SRBD1: variants seen among roughly 807,000 people sequenced by gnomAD.
SRBD1 encodes the protein S1 RNA-binding domain-containing protein 1.
SRBD1 carries 88 observed loss-of-function variants against 115.3 expected under a neutral mutation model. The observed-to-expected ratio is 0.76, with a 90% CI of 0.64 to 0.91. The LOEUF (loss-of-function observed/expected upper bound fraction) is 0.91. Ranked by LOEUF, SRBD1 falls within the 40% of genes least tolerant of loss-of-function variation. SRBD1 has a pLI of 0.00. For missense variants in SRBD1, 1,385 were observed against 1,177.4 expected, an observed-to-expected ratio of 1.18 and a Z score of -2.58; for synonymous variants, 509 against 407.7, an observed-to-expected ratio of 1.25 and a Z score of -2.99.
At chr2:45,535,203 TA>T (rs1298040212) in intron 14 of SRBD1, among the ~76,000 whole-genome samples, 1 of 152,030 alleles carries the variant, frequency 6.6e-6, no homozygotes, top group Non-Finnish European at 1.5e-5. Context: ...ACACATTAGC[TA>T]ATCAACATCT....
chr2:45,423,279 G>A (rs1668059254), intron 16 of SRBD1, among the ~76,000 whole-genome samples: 1 of 152,120 alleles, frequency 6.6e-6, no homozygotes, highest in Non-Finnish European at 1.5e-5. Flanking sequence ...TGAAGCAAAT[G>A]GAATGCTCAA....
At chr2:45,412,129 CA>C (rs532512556) in intron 19 of SRBD1, among the ~76,000 whole-genome samples, 2,488 of 147,716 alleles carry the variant, frequency 0.017, 28 homozygotes, top group Non-Finnish European at 0.025. Context: ...CAAAACAAGA[CA>C]AAAAAAAATA....
At chr2:45,553,229 T>C (rs1277884826) in intron 11 of SRBD1, among the ~76,000 whole-genome samples, 2 of 152,188 alleles carry the variant, frequency 1.3e-5, no homozygotes, top group Non-Finnish European at 2.9e-5. Flanking sequence ...ATATTTATCA[T>C]TGCTGATAAT....
chr2:45,571,519 A>AAAAAAAAAAAAAAAAAAAC lies in SRBD1; in HGVS notation c.1305+1687_1305+1688insGTTTTTTTTTTTTTTTTTT, dbSNP rs1558486213. Among the ~76,000 whole-genome samples, 71 of 72,900 alleles carry AAAAAAAAAAAAAAAAAAAC rather than the reference A, an allele frequency of 9.7e-4. 4 individuals carry two copies. Among genetic ancestry groups the AAAAAAAAAAAAAAAAAAAC allele is most frequent in the African/African-American group, 4.6e-3 (68 of 14,858 alleles). 47.8% of individuals were successfully genotyped at this position (72,900 alleles called of 152,430 possible). A position where few individuals can be genotyped will look rare whatever the true frequency, so the allele number is the denominator to read the frequency against. ...AATACAACATATCCAGACTTTACCA[A>AAAAAAAAAAAAAAAAAAAC]AAAAAAAAAAAAAAAAAAAAAAACT... On this transcript the variant is annotated intron_variant, in intron 9 of 20. Coordinates refer to ENST00000263736, the MANE Select transcript of SRBD1 (RefSeq NM_018079.5).
At chr2:45,396,175 T>C (rs1368758882) in intron 19 of SRBD1, among the ~76,000 whole-genome samples, 3 of 152,144 alleles carry the variant, frequency 2.0e-5, no homozygotes, top group Non-Finnish European at 1.5e-5. Context: ...TCCAAGGCCA[T>C]GATGTTATTC....
rs191054497 is a variant in SRBD1, at chr2:45,547,617, A to C, written c.1676-5T>G. The C allele has an allele frequency of 1.2e-6, 2 of 1,603,292 alleles. No homozygotes were observed. Among genetic ancestry groups the C allele is most frequent in the East Asian group, 4.5e-5 (2 of 44,752 alleles). On this transcript the variant is annotated splice_polypyrimidine_tract_variant and splice_region_variant and intron_variant, in intron 12 of 20. Coordinates refer to ENST00000263736, the MANE Select transcript of SRBD1 (RefSeq NM_018079.5). ...CATCAGTATGAAGTATCTGACCTTT[A>C]AAAAATGAAAAGAATAAGCCATTTT... is the stretch of plus-strand genomic sequence containing the variant.
chr2:45,599,898 TACTC>T (rs1674039270), intron 3 of SRBD1, 63 bp from the exon 4 acceptor site: 1 of 1,489,694 alleles, frequency 6.7e-7, no homozygotes, highest in Non-Finnish European at 9.0e-7. Flanking sequence ...CTGGGACTAT[TACTC>T]ACAAATAAAA....
intron 20 of SRBD1, among the ~76,000 whole-genome samples, chr2:45,390,482 G>T (rs1216195855): frequency 2.0e-5 from 3 of 152,212 alleles, no homozygotes; most frequent in Admixed American, 6.5e-5. Flanking sequence ...GACAGTTAGA[G>T]TTAGAACTAA....
chr2:45,605,517 T>C (rs1674241035), intron 1 of SRBD1, 76 bp from the exon 2 acceptor site: 2 of 1,310,766 alleles, frequency 1.5e-6, no homozygotes, highest in African/African-American at 3.0e-5. Flanking sequence ...TAATGGGTCA[T>C]TCAAAACTAA....
At chr2:45,476,958 G>C (rs1252408413) in intron 16 of SRBD1, 35 bp downstream of exon 16, 2 of 1,590,582 alleles carry the variant, frequency 1.3e-6, no homozygotes, top group Non-Finnish European at 1.7e-6. Flanking sequence ...TTGTATTGAT[G>C]GATTTCATAA....
intron 16 of SRBD1, among the ~76,000 whole-genome samples, chr2:45,420,571 G>A (rs1259258573): frequency 1.3e-5 from 2 of 152,000 alleles, no homozygotes; most frequent in East Asian, 1.9e-4. Context: ...TTTAGAAACC[G>A]TAAGAACCAT....
chr2:45,409,181 T>A (rs1667523060), intron 19 of SRBD1, among the ~76,000 whole-genome samples: 1 of 152,072 alleles, frequency 6.6e-6, no homozygotes, highest in South Asian at 2.1e-4. Flanking sequence ...AAGATCACAC[T>A]ACTGCACTCC....
At chr2:45,556,329 T>A (rs1188574028) in intron 10 of SRBD1, among the ~76,000 whole-genome samples, 1 of 150,486 alleles carries the variant, frequency 6.6e-6, no homozygotes, top group Non-Finnish European at 1.5e-5. Context: ...TATGGCACAA[T>A]AAATGTAAAA....
At chr2:45,448,984 A>G (rs937320688) in intron 16 of SRBD1, among the ~76,000 whole-genome samples, 1 of 152,200 alleles carries the variant, frequency 6.6e-6, no homozygotes, top group African/African-American at 2.4e-5. Flanking sequence ...TTCTTCTGTA[A>G]TACAAATGTG....
intron 14 of SRBD1, among the ~76,000 whole-genome samples, chr2:45,505,305 G>A (rs1289843111): frequency 6.6e-6 from 1 of 152,118 alleles, no homozygotes; most frequent in Non-Finnish European, 1.5e-5. Flanking sequence ...AGCAGCATGT[G>A]GTCATGTCAG....
At chr2:45,551,406 G>A in intron 11 of SRBD1, 124 bp from the exon 12 acceptor site, 1 of 993,794 alleles carries the variant, frequency 1.0e-6, no homozygotes, top group Non-Finnish European at 1.4e-6. Flanking sequence ...TATAACTTAA[G>A]AGAAAAATAT....
chr2:45,606,538 A>C (rs988854796), intron 1 of SRBD1, among the ~76,000 whole-genome samples: 6 of 152,214 alleles, frequency 3.9e-5, no homozygotes, highest in African/African-American at 1.4e-4. Context: ...TGATTGACTG[A>C]GTAAGCAGCC....
chr2:45,427,077 C>A (rs962204532), intron 16 of SRBD1, among the ~76,000 whole-genome samples: 2 of 152,056 alleles, frequency 1.3e-5, no homozygotes, highest in African/African-American at 4.8e-5. Context: ...ATGTTCTAAC[C>A]CAATACAAGG....
intron 14 of SRBD1, among the ~76,000 whole-genome samples, chr2:45,543,214 T>A (rs1216013085): frequency 6.6e-6 from 1 of 152,210 alleles, no homozygotes; most frequent in African/African-American, 2.4e-5. Context: ...GCAACTTAAC[T>A]CCAGTTTAAC....
Sources: allele counts gnomAD v4.1 joint callset (sites outside exome capture counted in the v4.1 genomes callset), GRCh38; gene constraint gnomAD v4.1.1; transcripts MANE v1.5; gene names NCBI Gene and HGNC (gene_info 2026-07-23, HGNC 2026-07-21).